Variants in OXR1 observed in about 807,000 individuals in gnomAD.
OXR1 encodes the protein oxidation resistance 1.
A neutral mutation model predicts 104.6 loss-of-function variants in OXR1; 41 were observed. The observed-to-expected ratio is 0.39, with a 90% CI of 0.31 to 0.51. The LOEUF is 0.51. OXR1 is among the 20% of genes least tolerant of loss of function. OXR1 has a pLI of 0.77. For missense variants in OXR1, 955 were observed against 1,031.9 expected, an observed-to-expected ratio of 0.93 and a Z score of 1.02; for synonymous variants, 348 against 348.4, an observed-to-expected ratio of 1.00 and a Z score of 0.01.
At chr8:106,388,730 C>A (rs981860250) in intron 2 of OXR1, among the ~76,000 whole-genome samples, 1 of 152,092 alleles carries the variant, frequency 6.6e-6, no homozygotes, top group African/African-American at 2.4e-5. Context: ...CCTTTCAGTT[C>A]TTTAAGTTGA....
chr8:106,739,507 C>A lies in OXR1; in HGVS notation c.2087C>A (p.Ala696Glu). The change falls in exon 13 of 17, where the codon GCA becomes GAA. Residue 696 changes from alanine to glutamate, a missense_variant. Ala to Glu is a moderately radical substitution (Grantham distance 107, BLOSUM62 -1). This residue lies in a region of OXR1 where 849 missense variants were observed against 852.9 expected (regional missense o/e 1.00). Transcript: ENST00000517566. Reference sequence around the variant, plus strand: ...TCAAAGCAGGTTGCTACAGTGAAAGCAGACCTGGAGTCTGAATCTTTTCGA... The same window carrying A: ...TCAAAGCAGGTTGCTACAGTGAAAGAAGACCTGGAGTCTGAATCTTTTCGA... ...INSKQVATVK[A>E]DLESESFRPN... The A allele has an allele frequency of 6.2e-7, 1 of 1,612,372 alleles. No individual in the cohort carries two copies. Among genetic ancestry groups the A allele is most frequent in the Non-Finnish European group, 8.5e-7 (1 of 1,178,564 alleles).
chr8:106,329,359 T>A (rs1814615855), intron 1 of OXR1, among the ~76,000 whole-genome samples: 1 of 150,772 alleles, frequency 6.6e-6, no homozygotes, highest in African/African-American at 2.4e-5. Context: ...ACTTTTTTTT[T>A]TTTTTTGAGA....
intron 1 of OXR1, among the ~76,000 whole-genome samples, chr8:106,332,994 T>C (rs928770234): frequency 6.6e-6 from 1 of 152,178 alleles, no homozygotes; most frequent in Non-Finnish European, 1.5e-5. Context: ...GCTTTATGAT[T>C]GAATAATATT....
At chr8:106,281,799 CAAAAAAAAAAAA>C (rs59515650) in intron 1 of OXR1, among the ~76,000 whole-genome samples, 10 of 62,950 alleles carry the variant, frequency 1.6e-4, no homozygotes, top group South Asian at 8.1e-4. Context: ...GACTCTATCT[CAAAAAAAAAAAA>C]AAAAAAAAAA....
At chr8:106,644,571 C>A (rs1823920609) in intron 3 of OXR1, among the ~76,000 whole-genome samples, 1 of 152,180 alleles carries the variant, frequency 6.6e-6, no homozygotes, top group African/African-American at 2.4e-5. Flanking sequence ...GATGGAGGCT[C>A]CACCATCTTG....
chr8:106,354,848 G>A (rs964002868), intron 1 of OXR1, among the ~76,000 whole-genome samples: 1 of 152,026 alleles, frequency 6.6e-6, no homozygotes, highest in African/African-American at 2.4e-5. Flanking sequence ...AAATGGCAAA[G>A]TAATTACAAC....
chr8:106,278,710 A>G (rs1201577313), intron 1 of OXR1, among the ~76,000 whole-genome samples: 2 of 152,300 alleles, frequency 1.3e-5, no homozygotes, highest in Middle Eastern at 3.4e-3. Flanking sequence ...TCACATATTA[A>G]GCAGAAGAAT....
chr8:106,458,527 G>A (rs1218419505), intron 2 of OXR1, among the ~76,000 whole-genome samples: 2 of 152,166 alleles, frequency 1.3e-5, no homozygotes, highest in African/African-American at 4.8e-5. Flanking sequence ...TAGAGTTACT[G>A]CAGAGAGCCC....
intron 11 of OXR1, among the ~76,000 whole-genome samples, chr8:106,721,619 A>G (rs1376760757): frequency 6.6e-6 from 1 of 152,198 alleles, no homozygotes; most frequent in Non-Finnish European, 1.5e-5. Flanking sequence ...TAGGTACATG[A>G]CATTAGTCAC....
At position 106,706,938 on chromosome 8, in the gene OXR1, A is replaced by G. The variant is rs2131375546; in HGVS notation, c.1417A>G (p.Thr473Ala). ...SQKENMPCGETAEFKQKQSVN... is the reference protein window; with the variant it reads ...SQKENMPCGEAAEFKQKQSVN... The stretch of plus-strand genomic sequence containing the variant: ...AAAAGAAAATATGCCTTGTGGGGAA[A>G]CAGCAGAATTTAAACAAAAGCAAAG... Residue 473 changes from threonine to alanine, a missense_variant, in exon 9 of 17, where the codon ACA becomes GCA. Transcript: ENST00000517566. 6.2e-7 allele frequency: 1 copy of G among 1,613,238 alleles called. No homozygotes were observed.
At chr8:106,593,274 G>A (rs578099054) in intron 3 of OXR1, among the ~76,000 whole-genome samples, 7 of 152,098 alleles carry the variant, frequency 4.6e-5, no homozygotes, top group African/African-American at 1.4e-4. Context: ...CACCCGACCC[G>A]CCGGAACTCT....
chr8:106,365,961 C>A (rs1350549590), intron 2 of OXR1, among the ~76,000 whole-genome samples: 1 of 152,138 alleles, frequency 6.6e-6, no homozygotes, highest in Non-Finnish European at 1.5e-5. Flanking sequence ...CCTGAGGTTG[C>A]AGGTTCAAAC....
At chr8:106,710,561 C>A in intron 9 of OXR1, 61 bp from the exon 10 acceptor site, 1 of 1,147,916 alleles carries the variant, frequency 8.7e-7, no homozygotes, top group Non-Finnish European at 1.2e-6. Context: ...GTAAAGTTAA[C>A]TAAACTACCT....
chr8:106,285,951 G>A (rs1483378960), intron 1 of OXR1, among the ~76,000 whole-genome samples: 1 of 151,136 alleles, frequency 6.6e-6, no homozygotes, highest in African/African-American at 2.4e-5. Flanking sequence ...TTCCTTTGTG[G>A]ACTGCCCTCG....
At chr8:106,674,185 CT>C (rs1445112307) in intron 3 of OXR1, among the ~76,000 whole-genome samples, 1 of 152,186 alleles carries the variant, frequency 6.6e-6, no homozygotes, top group East Asian at 1.9e-4. Context: ...GGGAGAGGGG[CT>C]GTACCCTGCC....
chr8:106,718,696 G>T (rs539348396), intron 11 of OXR1, among the ~76,000 whole-genome samples: 1 of 152,000 alleles, frequency 6.6e-6, no homozygotes, highest in East Asian at 1.9e-4. Context: ...AAAATTAGCC[G>T]GGCGTGGTGG....
At chr8:106,590,719 C>A (rs993859660) in intron 3 of OXR1, among the ~76,000 whole-genome samples, 3 of 152,214 alleles carry the variant, frequency 2.0e-5, no homozygotes, top group Non-Finnish European at 4.4e-5. Context: ...TCTTTCCTCC[C>A]AATCTCAAGG....
intron 2 of OXR1, among the ~76,000 whole-genome samples, chr8:106,487,234 G>A (rs1810726157): frequency 6.6e-6 from 1 of 151,586 alleles, no homozygotes; most frequent in African/African-American, 2.4e-5. Flanking sequence ...ATGTTGGCCA[G>A]GCTAGTCTCG....
chr8:106,542,847 A>G (rs190489898), intron 3 of OXR1, among the ~76,000 whole-genome samples: 1 of 152,234 alleles, frequency 6.6e-6, no homozygotes, highest in African/African-American at 2.4e-5. Context: ...TCTTACTTTA[A>G]TATTTTTAGC....
Sources: gnomAD v4.1 joint callset for allele counts (sites outside exome capture counted in the v4.1 genomes callset) on GRCh38, gnomAD v4.1.1 for gene constraint, gnomAD v4.1.1 regional missense constraint, MANE v1.5 for transcripts, NCBI Gene and HGNC (gene_info 2026-07-23, HGNC 2026-07-21) for gene names.